Variants in ZBBX observed in about 807,000 individuals in gnomAD.
ZBBX encodes zinc finger B-box domain containing.
ZBBX carries 101 observed loss-of-function variants against 108.5 expected under a neutral mutation model. The ratio of observed to expected loss-of-function variants is 0.93; its 90% CI spans 0.79 to 1.10. The LOEUF (loss-of-function observed/expected upper bound fraction) is 1.10. ZBBX is among the 50% of genes least tolerant of loss of function. The pLI is 0.00. For missense variants in ZBBX, 1,009 were observed against 941.4 expected (o/e 1.07, Z -0.94); for synonymous variants, 356 against 323.4 (o/e 1.10, Z -1.08).
intron 20 of ZBBX, among the ~76,000 whole-genome samples, chr3:167,276,071 G>C (rs1419028866): frequency 1.3e-5 from 2 of 152,102 alleles, no homozygotes; most frequent in Non-Finnish European, 2.9e-5. Flanking sequence ...TGAGGGTCCT[G>C]TCTGTTACAA....
At chr3:167,249,233 A>G (rs1722141305) in intron 20 of ZBBX, among the ~76,000 whole-genome samples, 1 of 152,202 alleles carries the variant, frequency 6.6e-6, no homozygotes, top group Non-Finnish European at 1.5e-5. Context: ...GGCATTTGGA[A>G]CTTTTCTATA....
intron 15 of ZBBX, among the ~76,000 whole-genome samples, chr3:167,314,540 C>T (rs1389099694): frequency 6.6e-6 from 1 of 152,012 alleles, no homozygotes; most frequent in Admixed American, 6.6e-5. Context: ...ATTTAGGTTT[C>T]AAAGTTTAAT....
chr3:167,378,052 T>C (rs1673210690), intron 2 of ZBBX, among the ~76,000 whole-genome samples: 2 of 152,212 alleles, frequency 1.3e-5, no homozygotes, highest in Non-Finnish European at 2.9e-5. Flanking sequence ...AAGAAGGATG[T>C]GTTTGCTTTC....
At chr3:167,272,078 A>T (rs1402436047) in intron 20 of ZBBX, among the ~76,000 whole-genome samples, 2 of 152,170 alleles carry the variant, frequency 1.3e-5, no homozygotes, top group Non-Finnish European at 2.9e-5. Context: ...ATCAAACTTT[A>T]AAAAATCACT....
chr3:167,391,954 C>T (rs1748095816), intron 1 of ZBBX, among the ~76,000 whole-genome samples: 2 of 151,756 alleles, frequency 1.3e-5, no homozygotes, highest in South Asian at 4.2e-4. Flanking sequence ...GAAATCAATA[C>T]TCTCACCTAC....
At chr3:167,215,066 C>T in the ZBBX span, among the ~76,000 whole-genome samples, 27 of 151,574 alleles carry the variant, frequency 1.8e-4, no homozygotes, top group African/African-American at 2.4e-4. Context: ...AACTTCGCAA[C>T]GGAAAAAATT....
chr3:167,320,668 T>C (rs991805838), intron 12 of ZBBX, among the ~76,000 whole-genome samples: 4 of 152,054 alleles, frequency 2.6e-5, no homozygotes, highest in African/African-American at 4.8e-5. Flanking sequence ...GTGGAGAAAC[T>C]TAGCACCACC....
chr3:167,197,587 C>T, the ZBBX span, among the ~76,000 whole-genome samples: 1 of 151,950 alleles, frequency 6.6e-6, no homozygotes, highest in African/African-American at 2.4e-5. Context: ...CTTGTCACTT[C>T]AGTATATTAA....
intron 17 of ZBBX, among the ~76,000 whole-genome samples, chr3:167,304,347 CT>C (rs1315845149): frequency 6.6e-6 from 1 of 152,192 alleles, no homozygotes; most frequent in East Asian, 1.9e-4. Flanking sequence ...TCACCTGGTA[CT>C]CTTCATGTTG....
At chr3:167,244,458 T>C (rs73169127) in intron 20 of ZBBX, among the ~76,000 whole-genome samples, 5,285 of 152,290 alleles carry the variant, frequency 0.035, 102 homozygotes, top group East Asian at 0.072. Flanking sequence ...TTTGAGCTAA[T>C]TGAATGAGCA....
At chr3:167,282,589 G>T in intron 19 of ZBBX, 94 bp from the exon 20 acceptor site, 1 of 1,078,840 alleles carries the variant, frequency 9.3e-7, no homozygotes, top group Non-Finnish European at 1.3e-6. Flanking sequence ...ACACAGAGAA[G>T]TTAAGTTCAT....
chr3:167,202,283 G>T, the ZBBX span, among the ~76,000 whole-genome samples: 4 of 152,146 alleles, frequency 2.6e-5, no homozygotes, highest in Admixed American at 1.3e-4. Flanking sequence ...TACAAGGGCA[G>T]AGTACTGAGC....
chr3:167,243,475 C>G (rs150540760), intron 20 of ZBBX, among the ~76,000 whole-genome samples: 3 of 151,658 alleles, frequency 2.0e-5, no homozygotes, highest in African/African-American at 7.3e-5. Context: ...CTTGGCTCAC[C>G]GCAACCTCCG....
chr3:167,261,775 CAAAAAAAA>C (rs60045904), intron 20 of ZBBX, among the ~76,000 whole-genome samples: 1 of 96,278 alleles, frequency 1.0e-5, no homozygotes, highest in Admixed American at 1.1e-4. Flanking sequence ...CTCCCAACTG[CAAAAAAAA>C]AAAAAAAAAA....
intron 20 of ZBBX, among the ~76,000 whole-genome samples, chr3:167,278,814 C>T (rs1452696623): frequency 2.0e-5 from 3 of 150,670 alleles, no homozygotes; most frequent in East Asian, 2.0e-4. Context: ...GAATTTTAGA[C>T]CAATATCCTT....
At position 167,365,973 on chromosome 3, in the gene ZBBX, T is replaced by C. The variant is rs1256104463; in HGVS notation, c.186A>G (p.Ser62=). ...TTCCAGATTTCCAGTAATACTCGCT[T>C]GACCTTTAATATATATAAACAAGAT... The part of the protein sequence containing the change: ...TRNKEKEDRE[S]SEYYWKSGKV... The change falls in exon 6 of 22, where the codon TCA becomes TCG. Residue 62 remains serine (S), a synonymous_variant. Transcript: ENST00000675490. 3.7e-6 allele frequency: 6 copies of C among 1,601,970 alleles called. No homozygotes were observed. Among genetic ancestry groups the C allele is most frequent in the Non-Finnish European group, 5.1e-6 (6 of 1,170,888 alleles).
At chr3:167,308,458 G>C (rs1018627736) in intron 16 of ZBBX, among the ~76,000 whole-genome samples, 20 of 152,138 alleles carry the variant, frequency 1.3e-4, no homozygotes, top group Non-Finnish European at 2.5e-4. Context: ...TCATTACTGG[G>C]TATATACCCA....
the ZBBX span, among the ~76,000 whole-genome samples, chr3:167,188,534 T>C: frequency 6.6e-6 from 1 of 152,140 alleles, no homozygotes. Context: ...GTGATCAGCA[T>C]AAGAAAAAAA....
intron 8 of ZBBX, among the ~76,000 whole-genome samples, chr3:167,358,569 C>T (rs1743974991): frequency 6.6e-6 from 1 of 151,926 alleles, no homozygotes; most frequent in Admixed American, 6.6e-5. Context: ...GAAATTGGTA[C>T]CAATGAGAAG....
Sources: allele counts gnomAD v4.1 joint callset (sites outside exome capture counted in the v4.1 genomes callset), GRCh38; gene constraint gnomAD v4.1.1; transcripts MANE v1.5; gene names NCBI Gene and HGNC (gene_info 2026-07-23, HGNC 2026-07-21).